SLC6A17: variants seen among roughly 807,000 people sequenced by gnomAD.
SLC6A17 encodes solute carrier family 6 member 17.
A neutral mutation model predicts 64.5 loss-of-function variants in SLC6A17; 21 were observed. The observed-to-expected ratio is 0.33, with a 90% CI of 0.23 to 0.47. The LOEUF (loss-of-function observed/expected upper bound fraction) is 0.47, where lower values mean the gene tolerates loss of function less well. Ranked by LOEUF, SLC6A17 falls within the 20% of genes least tolerant of loss-of-function variation. SLC6A17 has a pLI of 1.00. For missense variants in SLC6A17, 682 were observed against 963.2 expected (o/e 0.71, Z 3.86); for synonymous variants, 372 against 399.5 (o/e 0.93, Z 0.82).
intron 11 of SLC6A17, among the ~76,000 whole-genome samples, 194 bp downstream of exon 11, chr1:110,197,793 C>T (rs953710977): frequency 4.6e-5 from 7 of 152,214 alleles, no homozygotes; most frequent in African/African-American, 9.7e-5. Flanking sequence ...ACGGGGACAC[C>T]GAGGCTCAGA....
In SLC6A17 at chr1:110,174,934, G is replaced by T. The variant is rs770108919; in HGVS notation, c.727G>T (p.Val243Phe). 4 of 1,614,058 alleles carry T rather than the reference G, an allele frequency of 2.5e-6. No homozygotes were observed. Among genetic ancestry groups the T allele is most frequent in the Non-Finnish European group, 3.4e-6 (4 of 1,179,966 alleles). The change falls in exon 5 of 12, where the codon GTT (valine) becomes TTT (phenylalanine). Residue 243 changes from valine (V) to phenylalanine (F), a missense_variant. Around this residue, in one of 3 missense-constraint regions of SLC6A17, gnomAD observed 415 missense variants for 603.8 expected, o/e 0.69. Coordinates refer to ENST00000331565, the MANE Select transcript of SLC6A17 (RefSeq NM_001010898.4). ...CTGGAGCATCGTGGGGATGGCTGTC[G>T]TTAAGGGCATCCAGTCCTCGGGGAA... ...VAWSIVGMAV[V>F]KGIQSSGKVM...
In SLC6A17 at chr1:110,201,599, T is replaced by C. The variant is rs1022028867; in HGVS notation, c.*3155T>C. On this transcript the variant is annotated 3_prime_UTR_variant, in exon 12 of 12. Transcript: ENST00000331565. ...GGCTGAACAGGTAGGGCACATCAGT[T>C]AATGCCAGTGAGGTCAGCTTCTGCC... 1 of 152,162 alleles carries C rather than the reference T, an allele frequency of 6.6e-6. No homozygotes were observed. The highest frequency in any genetic ancestry group is 1.5e-5 in the Non-Finnish European group (1 of 68,042). The allele number at this position is 152,162 out of a possible 1,614,324, so 9.4% of individuals were successfully genotyped here. A position where few individuals can be genotyped will look rare whatever the true frequency, so the allele number is the denominator to read the frequency against.
intron 1 of SLC6A17, among the ~76,000 whole-genome samples, chr1:110,151,714 T>A (rs1570973278): frequency 6.6e-6 from 1 of 152,032 alleles, no homozygotes; most frequent in East Asian, 1.9e-4. Flanking sequence ...AATTCAGAAA[T>A]CCCAAGGCCA....
chr1:110,152,458 G>C (rs1052520776), intron 1 of SLC6A17, among the ~76,000 whole-genome samples: 1 of 152,178 alleles, frequency 6.6e-6, no homozygotes, highest in Non-Finnish European at 1.5e-5. Context: ...TTCTTTAGCA[G>C]GACTCGTGAG....
At chr1:110,161,841 C>A (rs1430364417) in intron 1 of SLC6A17, among the ~76,000 whole-genome samples, 1 of 152,222 alleles carries the variant, frequency 6.6e-6, no homozygotes, top group South Asian at 2.1e-4. Flanking sequence ...AGCCATCCCC[C>A]ACCACCTTGA....
chr1:110,190,930 T>TG (rs778859898), intron 6 of SLC6A17, among the ~76,000 whole-genome samples: 14 of 152,214 alleles, frequency 9.2e-5, no homozygotes, highest in Non-Finnish European at 1.8e-4. Context: ...ATTTCATCTT[T>TG]GGGGTCTCAG....
chr1:110,198,309 G>T lies in SLC6A17; in HGVS notation c.2049G>T (p.Glu683Asp). 1 of 1,614,016 alleles carries T rather than the reference G, an allele frequency of 6.2e-7. No homozygotes were observed. Among genetic ancestry groups the T allele is most frequent in the Non-Finnish European group, 8.5e-7 (1 of 1,180,008 alleles). The change falls in exon 12 of 12, where the codon GAG becomes GAT. Residue 683 changes from glutamate (E) to aspartate (D), a missense_variant. By Grantham distance (45) the Glu-to-Asp change is conservative (BLOSUM62 2). Coordinates refer to ENST00000331565, the MANE Select transcript of SLC6A17 (RefSeq NM_001010898.4). ...TRFILSKVPS[E>D]APSPMPTHRS... ...TCATCCTCAGCAAGGTGCCCAGTGAGGCACCTTCCCCCATGCCCACTCACC... is the reference window on the plus strand; with the variant it reads ...TCATCCTCAGCAAGGTGCCCAGTGATGCACCTTCCCCCATGCCCACTCACC...
At chr1:110,175,019 G>T in intron 5 of SLC6A17, 59 bp downstream of exon 5, 1 of 1,560,650 alleles carries the variant, frequency 6.4e-7, no homozygotes, top group Non-Finnish European at 8.7e-7. Flanking sequence ...GGCACAGAGG[G>T]CACAGGGCTA....
Position 110,194,577 on chromosome 1 carries a change from A to T in SLC6A17, c.1300-2A>T. ...AGGCCCTGCTTTCCACCCCACCTTC[A>T]GTCCGTGCAGGGCACAGGCCTGGCC... On this transcript the variant is annotated splice_acceptor_variant, in intron 8 of 11. Transcript: ENST00000331565. LOFTEE classifies it high-confidence loss of function. The T allele has an allele frequency of 6.2e-7, 1 of 1,612,712 alleles. No individual in the cohort carries two copies. Among genetic ancestry groups the T allele is most frequent in the Non-Finnish European group, 8.5e-7 (1 of 1,178,854 alleles).
At chr1:110,176,243 C>A (rs1210115815) in intron 5 of SLC6A17, among the ~76,000 whole-genome samples, 1 of 152,088 alleles carries the variant, frequency 6.6e-6, no homozygotes. Context: ...GGTCTTCCGT[C>A]AAAGGAGCTC....
chr1:110,172,131 G>C lies in SLC6A17; in HGVS notation c.358G>C (p.Val120Leu), dbSNP rs771953000. The part of the protein sequence containing the change: ...GIPLFFLELA[V>L]GQRIRRGSIG... ...CCCCCTCTTCTTCCTGGAGCTGGCT[G>C]TGGGTCAGAGGATCCGCCGCGGCAG... The change falls in exon 3 of 12, where the codon GTG becomes CTG. Residue 120 changes from valine (V) to leucine (L), a missense_variant. Val to Leu is a conservative substitution (Grantham distance 32). Transcript: ENST00000331565. 9.9e-6 allele frequency: 16 copies of C among 1,613,894 alleles called. No individual in the cohort carries two copies.
rs571907418 is a variant in SLC6A17, at chr1:110,186,664, GTCTC to G, written c.865-5293_865-5290del. 6.2e-5 allele frequency among the ~76,000 whole-genome samples: 7 copies of G among 112,082 alleles called. 1 individual carries two copies. Among genetic ancestry groups the G allele is most frequent in the African/African-American group, 1.5e-4 (5 of 33,392 alleles). The allele number at this position is 112,082 out of a possible 152,430, so 73.5% of individuals were successfully genotyped here. A position where few individuals can be genotyped will look rare whatever the true frequency, so the allele number is the denominator to read the frequency against. ...ATAGAAAAAGGTCAGCTTTTGTCTA[GTCTC>G]TCTCTCTCTCTCTCGCTCCCGACTC... is the stretch of plus-strand genomic sequence containing the variant. On this transcript the variant is annotated intron_variant, in intron 6 of 11. Coordinates refer to ENST00000331565, the MANE Select transcript of SLC6A17 (RefSeq NM_001010898.4).
At position 110,172,145 on chromosome 1, in the gene SLC6A17, C is replaced by T. The variant is rs1656256567; in HGVS notation, c.372C>T (p.Ile124=). ...TGGAGCTGGCTGTGGGTCAGAGGAT[C>T]CGCCGCGGCAGCATCGGTGTGTGGC... is the stretch of plus-strand genomic sequence containing the variant. The part of the protein sequence containing the change: ...FFLELAVGQR[I]RRGSIGVWHY... Residue 124 remains isoleucine (I), a synonymous_variant, in exon 3 of 12, where the codon ATC becomes ATT. Transcript: ENST00000331565. 3 of 1,613,704 alleles carry T rather than the reference C, an allele frequency of 1.9e-6. No individual in the cohort carries two copies. The highest frequency in any genetic ancestry group is 2.7e-5 in the African/African-American group (2 of 74,904).
chr1:110,187,168 GT>G (rs1450573577), intron 6 of SLC6A17, among the ~76,000 whole-genome samples: 4 of 152,152 alleles, frequency 2.6e-5, no homozygotes, highest in Non-Finnish European at 5.9e-5. Context: ...TAGATTAAAT[GT>G]AAAAGTTTAA....
intron 5 of SLC6A17, 152 bp downstream of exon 5, chr1:110,175,112 A>G: frequency 9.6e-7 from 1 of 1,045,086 alleles, no homozygotes; most frequent in Non-Finnish European, 1.4e-6. Context: ...TCATTCCTAT[A>G]GTGTTGCTCA....
At chr1:110,170,993 G>T (rs1656209537) in intron 2 of SLC6A17, among the ~76,000 whole-genome samples, 1 of 152,232 alleles carries the variant, frequency 6.6e-6, no homozygotes, top group East Asian at 1.9e-4. Context: ...GCAAGGCTCA[G>T]AGTGGACCTG....
At chr1:110,169,801 C>A (rs538441234) in intron 2 of SLC6A17, among the ~76,000 whole-genome samples, 1 of 152,146 alleles carries the variant, frequency 6.6e-6, no homozygotes, top group South Asian at 2.1e-4. Context: ...TTTTCTAAGG[C>A]GGAAGAGGAT....
intron 6 of SLC6A17, among the ~76,000 whole-genome samples, chr1:110,185,699 G>A (rs914487587): frequency 6.6e-6 from 1 of 152,216 alleles, no homozygotes; most frequent in Non-Finnish European, 1.5e-5. Context: ...GAAGGGGCGT[G>A]GGGTTTTCTG....
At chr1:110,197,940 G>A in intron 11 of SLC6A17, 136 bp from the exon 12 acceptor site, 1 of 1,427,080 alleles carries the variant, frequency 7.0e-7, no homozygotes, top group Non-Finnish European at 9.3e-7. Context: ...CCCATCCTTG[G>A]CTGTGCCTGG....
Sources: gnomAD v4.1 joint callset for allele counts (sites outside exome capture counted in the v4.1 genomes callset) on GRCh38, gnomAD v4.1.1 for gene constraint, gnomAD v4.1.1 regional missense constraint, MANE v1.5 for transcripts, NCBI Gene and HGNC (gene_info 2026-07-23, HGNC 2026-07-21) for gene names.